Variants in MAOA observed in about 807,000 individuals in gnomAD.
MAOA encodes monoamine oxidase A.
A neutral mutation model predicts 42.0 loss-of-function variants in MAOA; 6 were observed. The ratio of observed to expected loss-of-function variants is 0.14; its 90% CI spans 0.08 to 0.28. MAOA has a LOEUF of 0.28. Ranked by LOEUF, MAOA falls within the 10% of genes least tolerant of loss-of-function variation. The pLI is 1.00. For missense variants in MAOA, 262 were observed against 422.3 expected, an observed-to-expected ratio of 0.62 and a Z score of 3.33; for synonymous variants, 140 against 154.0, an observed-to-expected ratio of 0.91 and a Z score of 0.67.
chrX:43,668,863 T>G lies in MAOA; in HGVS notation c.73+12449T>G, dbSNP rs1379670048. 2.7e-5 allele frequency among the ~76,000 whole-genome samples: 3 copies of G among 112,248 alleles called. No individual in the cohort carries two copies. In the East Asian group the frequency reaches 8.3e-4, roughly 31 times the overall value. On this transcript the variant is annotated intron_variant, in intron 1 of 14. Coordinates refer to ENST00000338702, the MANE Select transcript of MAOA (RefSeq NM_000240.4). ...TCTAATATAAAGAAAAAGTTACTAA[T>G]ATTTTAATTGAGATTTCATTACATT... is the stretch of plus-strand genomic sequence containing the variant.
At chrX:43,672,567 A>G (rs2033347217) in intron 1 of MAOA, among the ~76,000 whole-genome samples, 1 of 111,540 alleles carries the variant, frequency 9.0e-6, no homozygotes, top group African/African-American at 3.3e-5. Context: ...TCAGTATGAT[A>G]TTGGCTGTGG....
chrX:43,741,443 A>G (rs1184691083), intron 11 of MAOA, among the ~76,000 whole-genome samples: 2 of 111,972 alleles, frequency 1.8e-5, no homozygotes, highest in Non-Finnish European at 3.8e-5. Flanking sequence ...TTTTCGTGGA[A>G]TTCCCATCAT....
chrX:43,668,145 A>G (rs1296128281), intron 1 of MAOA, among the ~76,000 whole-genome samples: 1 of 112,212 alleles, frequency 8.9e-6, no homozygotes, highest in Non-Finnish European at 1.9e-5. Flanking sequence ...TTCTGCATCC[A>G]TGTCAATACT....
chrX:43,684,874 C>CTTTTTTTTTTTTTTTTTTTTTTT (rs201207592), intron 2 of MAOA, among the ~76,000 whole-genome samples: 6 of 59,634 alleles, frequency 1.0e-4, no homozygotes, highest in Non-Finnish European at 1.3e-4. Flanking sequence ...CTTTTCTTTT[C>CTTTTTTTTTTTTTTTTTTTTTTT]TTTTTTTTTT....
Position 43,743,782 on chromosome X carries a change from G to A in MAOA, c.1263-12G>A. 9.4e-6 allele frequency: 11 copies of A among 1,167,205 alleles called. No homozygotes were observed. The highest frequency in any genetic ancestry group is 1.3e-5 in the Non-Finnish European group (11 of 872,561). On this transcript the variant is annotated splice_polypyrimidine_tract_variant and intron_variant, in intron 12 of 14. Coordinates refer to ENST00000338702, the MANE Select transcript of MAOA (RefSeq NM_000240.4). Reference sequence around the variant, plus strand: ...CCAAGTAACTCTGTGTAACCTCTTGGTTCCCTTGAAGGGTGATTCGTCAAC... The same window carrying A: ...CCAAGTAACTCTGTGTAACCTCTTGATTCCCTTGAAGGGTGATTCGTCAAC...
chrX:43,676,462 C>T (rs1278059921), intron 1 of MAOA, among the ~76,000 whole-genome samples: 1 of 111,061 alleles, frequency 9.0e-6, no homozygotes, highest in African/African-American at 3.3e-5. Context: ...TGTCCTGCGC[C>T]CACTGTCTGG....
chrX:43,685,651 A>G (rs1276447531), intron 2 of MAOA, among the ~76,000 whole-genome samples: 1 of 111,753 alleles, frequency 8.9e-6, no homozygotes, highest in Non-Finnish European at 1.9e-5. Flanking sequence ...CTTGCTATGC[A>G]AAGTGTCATC....
Position 43,666,306 on chromosome X carries a change from C to T in MAOA, c.73+9892C>T, listed in dbSNP as rs191232425. 2.1e-3 allele frequency among the ~76,000 whole-genome samples: 237 copies of T among 112,138 alleles called. 1 individual carries two copies. The highest frequency in any genetic ancestry group is 3.4e-3 in the Non-Finnish European group (179 of 53,182). ...TTGATATTTCCCCATAACTCTTCTT[C>T]CCCTGGCTGTTTCCAACTTAATAAA... On this transcript the variant is annotated intron_variant, in intron 1 of 14. Coordinates refer to ENST00000338702, the MANE Select transcript of MAOA (RefSeq NM_000240.4).
At chrX:43,671,670 GT>G (rs1300223346) in intron 1 of MAOA, among the ~76,000 whole-genome samples, 2 of 101,558 alleles carry the variant, frequency 2.0e-5, no homozygotes, top group Admixed American at 1.1e-4. Context: ...TGGCTAGCCA[GT>G]TTTCCCAGCA....
intron 1 of MAOA, among the ~76,000 whole-genome samples, chrX:43,664,843 G>A (rs1031149685): frequency 5.4e-5 from 6 of 111,590 alleles, no homozygotes; most frequent in Non-Finnish European, 1.1e-4. Context: ...TCAAAAATGA[G>A]GCAATATGAG....
At chrX:43,720,246 A>G (rs992465194) in intron 5 of MAOA, among the ~76,000 whole-genome samples, 3 of 110,171 alleles carry the variant, frequency 2.7e-5, no homozygotes, top group Admixed American at 1.9e-4. Context: ...AATGACCTAC[A>G]GGAGAAGGGG....
intron 5 of MAOA, among the ~76,000 whole-genome samples, chrX:43,721,940 T>C (rs964081244): frequency 3.6e-5 from 4 of 111,182 alleles, no homozygotes; most frequent in Admixed American, 2.9e-4. Flanking sequence ...ACATGCGGTG[T>C]TTGGTTTTCT....
In MAOA at chrX:43,731,223, A is replaced by G; in HGVS notation, c.646-18A>G. On this transcript the variant is annotated intron_variant, in intron 6 of 14. Transcript: ENST00000338702. Reference sequence around the variant, plus strand: ...GGGCTTTCATAATGTTTCCTTTCTTACCTACCTCCTCCTGTAGGAACGGAA... The same window carrying G: ...GGGCTTTCATAATGTTTCCTTTCTTGCCTACCTCCTCCTGTAGGAACGGAA... The G allele has an allele frequency of 8.3e-7, 1 of 1,205,884 alleles. No homozygotes were observed. The highest frequency in any genetic ancestry group is 3.0e-5 in the East Asian group (1 of 33,776).
intron 10 of MAOA, among the ~76,000 whole-genome samples, chrX:43,739,182 C>G: frequency 8.9e-6 from 1 of 112,290 alleles, no homozygotes; most frequent in Non-Finnish European, 1.9e-5. Flanking sequence ...GACAGACAGA[C>G]AGACAGTAGT....
intron 5 of MAOA, among the ~76,000 whole-genome samples, chrX:43,714,498 G>A (rs1384488443): frequency 2.7e-5 from 3 of 110,710 alleles, no homozygotes; most frequent in Admixed American, 1.9e-4. Context: ...AGGGAAGGCA[G>A]GAAAGATGGA....
chrX:43,719,697 G>C (rs997319923), intron 5 of MAOA, among the ~76,000 whole-genome samples: 26 of 111,298 alleles, frequency 2.3e-4, no homozygotes, highest in Non-Finnish European at 4.1e-4. Context: ...GGGAATGATG[G>C]ATGACGTAGG....
intron 5 of MAOA, among the ~76,000 whole-genome samples, chrX:43,720,012 G>C (rs2033775857): frequency 1.8e-5 from 2 of 110,586 alleles, no homozygotes; most frequent in Non-Finnish European, 3.8e-5. Context: ...TTCTGTGTAG[G>C]GGTATAGTAT....
chrX:43,727,363 C>A (rs1035672330), intron 5 of MAOA, among the ~76,000 whole-genome samples: 2 of 112,221 alleles, frequency 1.8e-5, no homozygotes, highest in Admixed American at 9.4e-5. Flanking sequence ...TTCAGAGATG[C>A]CCTGCCCACA....
chrX:43,736,660 G>A (rs1340112442), intron 10 of MAOA, among the ~76,000 whole-genome samples: 1 of 111,563 alleles, frequency 9.0e-6, no homozygotes, highest in Non-Finnish European at 1.9e-5. Context: ...TTAACCTGTA[G>A]CAACTTTTGT....
Sources: allele counts gnomAD v4.1 joint callset (sites outside exome capture counted in the v4.1 genomes callset), GRCh38; gene constraint gnomAD v4.1.1; transcripts MANE v1.5; gene names NCBI Gene and HGNC (gene_info 2026-07-23, HGNC 2026-07-21).